PCCA: variants seen among roughly 807,000 people sequenced by gnomAD.
PCCA encodes propionyl-CoA carboxylase subunit alpha.
PCCA carries 74 observed loss-of-function variants against 101.3 expected under a neutral mutation model. That is an observed-to-expected ratio of 0.73 (90% confidence interval 0.61 to 0.89). The LOEUF is 0.89. Ranked by LOEUF, PCCA falls within the 40% of genes least tolerant of loss-of-function variation. PCCA has a pLI of 0.00. For missense variants in PCCA, 891 were observed against 907.0 expected (o/e 0.98, Z 0.23); for synonymous variants, 294 against 313.6 (o/e 0.94, Z 0.66).
intron 19 of PCCA, among the ~76,000 whole-genome samples, chr13:100,383,716 A>G (rs2076353797): frequency 6.6e-6 from 1 of 152,088 alleles, no homozygotes; most frequent in African/African-American, 2.4e-5. Flanking sequence ...TTGATGCAAA[A>G]TTGTTTCATC....
chr13:100,235,694 A>G, intron 7 of PCCA, 148 bp from the exon 8 acceptor site: 1 of 598,208 alleles, frequency 1.7e-6, no homozygotes. Context: ...TATTAATTTT[A>G]CATTTCTCTG....
intron 4 of PCCA, among the ~76,000 whole-genome samples, chr13:100,154,024 C>G (rs2152381188): frequency 6.6e-6 from 1 of 151,764 alleles, no homozygotes; most frequent in Non-Finnish European, 1.5e-5. Flanking sequence ...CAGAAATACT[C>G]AGGTATTTGC....
intron 19 of PCCA, among the ~76,000 whole-genome samples, chr13:100,372,404 A>G (rs181314725): frequency 5.6e-4 from 86 of 152,258 alleles, no homozygotes; most frequent in South Asian, 1.2e-3. Flanking sequence ...AACATAGGGG[A>G]AAAGCTTCAA....
intron 1 of PCCA, among the ~76,000 whole-genome samples, chr13:100,095,452 A>G (rs2046682198): frequency 6.6e-6 from 1 of 152,198 alleles, no homozygotes; most frequent in African/African-American, 2.4e-5. Context: ...GTGCTCGTAT[A>G]AATAGAAAAG....
chr13:100,317,689 T>C (rs1041978987), intron 16 of PCCA, among the ~76,000 whole-genome samples: 4 of 152,150 alleles, frequency 2.6e-5, no homozygotes, highest in Non-Finnish European at 5.9e-5. Flanking sequence ...AGGGTTCAGC[T>C]GATCCTCCCA....
chr13:100,480,724 G>A (rs1208806956), intron 21 of PCCA, among the ~76,000 whole-genome samples: 4 of 152,156 alleles, frequency 2.6e-5, no homozygotes, highest in African/African-American at 7.2e-5. Flanking sequence ...TCACCCATGC[G>A]CACTGAGTTT....
intron 10 of PCCA, among the ~76,000 whole-genome samples, chr13:100,264,052 C>T (rs947606896): frequency 2.1e-5 from 3 of 141,822 alleles, no homozygotes; most frequent in African/African-American, 7.7e-5. Context: ...ATCTGTATAT[C>T]GTATATATAC....
chr13:100,182,098 C>CTTTTT (rs558498604), intron 6 of PCCA, among the ~76,000 whole-genome samples: 1 of 105,452 alleles, frequency 9.5e-6, no homozygotes, highest in Non-Finnish European at 1.9e-5. Context: ...TTTTCTTTTT[C>CTTTTT]TTTTTTTTTT....
chr13:100,388,454 A>G (rs576307711), intron 19 of PCCA, among the ~76,000 whole-genome samples: 2 of 152,212 alleles, frequency 1.3e-5, no homozygotes, highest in African/African-American at 4.8e-5. Context: ...ACAGAGTGAG[A>G]CCCCATCTCA....
intron 14 of PCCA, chr13:100,305,639 T>G: frequency 4.5e-6 from 1 of 222,126 alleles, no homozygotes; most frequent in South Asian, 6.0e-5. Flanking sequence ...CACAGATATA[T>G]TTTCTGTTAT....
Position 100,209,365 on chromosome 13 carries a change from A to G in PCCA, c.502A>G (p.Thr168Ala). The G allele has an allele frequency of 6.2e-7, 1 of 1,613,430 alleles. No homozygotes were observed. The highest frequency in any genetic ancestry group is 8.5e-7 in the Non-Finnish European group (1 of 1,179,364). The change falls in exon 7 of 24, where the codon ACA (threonine) becomes GCA (alanine). Residue 168 changes from threonine (T) to alanine (A), a missense_variant. Physicochemically the swap from Thr to Ala is moderately conservative, Grantham distance 58. Coordinates refer to ENST00000376285, the MANE Select transcript of PCCA (RefSeq NM_000282.4). ...AGATGTCGTTTTCATTGGACCTGAC[A>G]CACATGCTATTCAAGCCATGGGCGA... is the stretch of plus-strand genomic sequence containing the variant. ...AEDVVFIGPDTHAIQAMGDKI... is the reference protein window; with the variant it reads ...AEDVVFIGPDAHAIQAMGDKI...
intron 6 of PCCA, among the ~76,000 whole-genome samples, chr13:100,172,182 C>A (rs2055744082): frequency 6.9e-6 from 1 of 145,430 alleles, no homozygotes; most frequent in African/African-American, 2.6e-5. Context: ...GCCTGGGTGA[C>A]AGAGCAAAAC....
intron 19 of PCCA, among the ~76,000 whole-genome samples, chr13:100,371,359 G>A (rs1393360429): frequency 6.6e-6 from 1 of 152,188 alleles, no homozygotes; most frequent in Non-Finnish European, 1.5e-5. Context: ...GACCAAGGAG[G>A]CGAAAGGCTT....
chr13:100,141,145 C>T (rs532255384), intron 4 of PCCA, among the ~76,000 whole-genome samples: 52 of 152,052 alleles, frequency 3.4e-4, no homozygotes, highest in Non-Finnish European at 5.9e-4. Context: ...AACACTTTAC[C>T]GTGACATTCA....
At chr13:100,275,417 C>T (rs1436348188) in intron 12 of PCCA, among the ~76,000 whole-genome samples, 1 of 152,088 alleles carries the variant, frequency 6.6e-6, no homozygotes, top group Non-Finnish European at 1.5e-5. Flanking sequence ...GTTCTGGGCT[C>T]CAGGTGGATT....
chr13:100,174,132 A>T (rs1205295869), intron 6 of PCCA, among the ~76,000 whole-genome samples: 1 of 152,130 alleles, frequency 6.6e-6, no homozygotes, highest in Admixed American at 6.6e-5. Flanking sequence ...AAACCTGTAT[A>T]TGTGCCTTAT....
chr13:100,366,257 T>C (rs2075147101), intron 18 of PCCA, among the ~76,000 whole-genome samples: 2 of 152,180 alleles, frequency 1.3e-5, no homozygotes, highest in Admixed American at 6.5e-5. Flanking sequence ...CTTAGTGAGA[T>C]GATAGGCGTA....
At chr13:100,262,684 C>A in intron 9 of PCCA, 45 bp from the exon 10 acceptor site, 1 of 739,602 alleles carries the variant, frequency 1.4e-6, no homozygotes, top group Non-Finnish European at 2.5e-6. Context: ...CTTCCCCTTC[C>A]CCTCCCTCTC....
At chr13:100,277,432 A>G (rs374707254) in intron 12 of PCCA, among the ~76,000 whole-genome samples, 1 of 151,904 alleles carries the variant, frequency 6.6e-6, no homozygotes, top group African/African-American at 2.4e-5. Flanking sequence ...ATCCCTTCCT[A>G]TATTCTTACC....
Sources: gnomAD v4.1 joint callset for allele counts (sites outside exome capture counted in the v4.1 genomes callset) on GRCh38, gnomAD v4.1.1 for gene constraint, MANE v1.5 for transcripts, NCBI Gene and HGNC (gene_info 2026-07-23, HGNC 2026-07-21) for gene names.